DCTPP1: variants seen among roughly 807,000 people sequenced by gnomAD.
DCTPP1 encodes dCTP pyrophosphatase 1.
A neutral mutation model predicts 8.8 loss-of-function variants in DCTPP1; 8 were observed. That is an observed-to-expected ratio of 0.91 (90% CI 0.54 to 1.64). DCTPP1 has a LOEUF of 1.64. Among genes scored for constraint, DCTPP1 ranks in the 40% most tolerant of loss-of-function variants. The probability of loss-of-function intolerance (pLI) is 0.00; values close to 1 mark genes in which losing one functional copy is unlikely to be tolerated. For missense variants in DCTPP1, 231 were observed against 230.4 expected (o/e 1.00, Z -0.02); for synonymous variants, 85 against 92.1 (o/e 0.92, Z 0.44).
intron 2 of DCTPP1, among the ~76,000 whole-genome samples, chr16:30,428,156 CAA>C (rs2050204246): frequency 6.6e-6 from 1 of 152,168 alleles, no homozygotes; most frequent in Non-Finnish European, 1.5e-5. Context: ...GTCTTCTGTC[CAA>C]ACTCTCCATC....
Position 30,424,314 on chromosome 16 carries a change from C to T in DCTPP1, c.432G>A (p.Leu144=), listed in dbSNP as rs1477396780. 6 of 1,614,092 alleles carry T rather than the reference C, an allele frequency of 3.7e-6. No homozygotes were observed. Among genetic ancestry groups the T allele is most frequent in the Non-Finnish European group, 4.2e-6 (5 of 1,180,050 alleles). The stretch of plus-strand genomic sequence containing the variant: ...GGTCTTCAGAGATGGCCCCATGGGG[C>T]AATTCTGTATACTTGCGGGAAGAGC... ...ARSSSRKYTE[L]PHGAISEDQA... The change falls in exon 3 of 3, where the codon TTG becomes TTA. Residue 144 remains leucine, a synonymous_variant. Coordinates refer to ENST00000319285, the MANE Select transcript of DCTPP1 (RefSeq NM_024096.2).
intron 2 of DCTPP1, among the ~76,000 whole-genome samples, chr16:30,427,326 T>G (rs2050200361): frequency 6.6e-6 from 1 of 151,012 alleles, no homozygotes; most frequent in African/African-American, 2.4e-5. Context: ...TTGTTTTTTT[T>G]TTTTAAGGCA....
At chr16:30,428,208 C>T (rs768493716) in intron 2 of DCTPP1, among the ~76,000 whole-genome samples, 3 of 152,208 alleles carry the variant, frequency 2.0e-5, no homozygotes, top group Non-Finnish European at 2.9e-5. Flanking sequence ...GTTCAACTCC[C>T]ACCCCTCTCC....
Position 30,429,945 on chromosome 16 carries a change from C to T in DCTPP1, c.36G>A (p.Thr12=). 5 of 1,585,616 alleles carry T rather than the reference C, an allele frequency of 3.2e-6. No individual in the cohort carries two copies. Among genetic ancestry groups the T allele is most frequent in the Non-Finnish European group, 4.3e-6 (5 of 1,167,370 alleles). ...SVAGGEIRGD[T]GGEDTAAPGR... is the part of the protein sequence containing the mutation. The stretch of plus-strand genomic sequence containing the variant: ...CGGGAGCAGCAGTGTCCTCTCCCCC[C>T]GTGTCCCCACGAATCTCCCCACCGG... Residue 12 remains threonine, a synonymous_variant, in exon 1 of 3, where the codon ACG becomes ACA. Transcript: ENST00000319285.
rs1304343543 is a variant in DCTPP1, at chr16:30,424,269, G to C, written c.477C>G (p.Asp159Glu). 6.2e-7 allele frequency: 1 copy of C among 1,614,230 alleles called. No homozygotes were observed. Among genetic ancestry groups the C allele is most frequent in the South Asian group, 1.1e-5 (1 of 91,080 alleles). The change falls in exon 3 of 3, where the codon GAC becomes GAG. Residue 159 changes from aspartate (D) to glutamate (E), a missense_variant. Physicochemically the swap from Asp to Glu is conservative, Grantham distance 45. Transcript: ENST00000319285. ...ISEDQAVGPA[D>E]IPCDSTGQTS... ...TCTGGCCTGTGGAGTCACAGGGAAT[G>C]TCCGCAGGCCCCACAGCCTGGTCTT...
intron 1 of DCTPP1, chr16:30,429,601 G>T: frequency 2.2e-6 from 1 of 461,740 alleles, no homozygotes. Flanking sequence ...CCGGCGCCTG[G>T]AGAGCAGAGG....
rs2050209571 is a variant in DCTPP1, at chr16:30,429,046, C to T, written c.212+11G>A. On this transcript the variant is annotated intron_variant, in intron 2 of 2. Coordinates refer to ENST00000319285, the MANE Select transcript of DCTPP1 (RefSeq NM_024096.2). ...ACTCAGACTCTACCAGGAAGCTTTC[C>T]ATCTACTCACAAGAGTTCTGCCAGC... 3 of 1,611,770 alleles carry T rather than the reference C, an allele frequency of 1.9e-6. No individual in the cohort carries two copies. The Admixed American group carries it at 5.0e-5, about 27-fold the overall frequency.
Position 30,424,033 on chromosome 16 carries a change from G to A in DCTPP1, c.*200C>T. ...TCCCTGGCCATCCAGGAATAATCTA[G>A]AAGTTATCGCCCAAAACCATTTTAC... On this transcript the variant is annotated 3_prime_UTR_variant, in exon 3 of 3. Coordinates refer to ENST00000319285, the MANE Select transcript of DCTPP1 (RefSeq NM_024096.2). 1.5e-6 allele frequency: 1 copy of A among 653,766 alleles called. No individual in the cohort carries two copies. The highest frequency in any genetic ancestry group is 2.0e-5 in the South Asian group (1 of 48,824). The allele number at this position is 653,766 out of a possible 1,614,324, so 40.5% of individuals were successfully genotyped here.
chr16:30,429,026 GA>G (rs1464147189), intron 2 of DCTPP1, 30 bp downstream of exon 2: 3 of 1,599,020 alleles, frequency 1.9e-6, no homozygotes, highest in Non-Finnish European at 2.6e-6. Flanking sequence ...CCACAACTCA[GA>G]CTCTACCAGG....
chr16:30,428,029 G>A (rs751267954), intron 2 of DCTPP1, among the ~76,000 whole-genome samples: 2 of 152,022 alleles, frequency 1.3e-5, no homozygotes, highest in African/African-American at 2.4e-5. Flanking sequence ...AGGGCTCATC[G>A]CCTCTTGCCT....
In DCTPP1 at chr16:30,424,394, C is replaced by G. The variant is rs2151128249; in HGVS notation, c.352G>C (p.Val118Leu). 6.2e-7 allele frequency: 1 copy of G among 1,614,042 alleles called. No individual in the cohort carries two copies. The highest frequency in any genetic ancestry group is 2.2e-5 in the East Asian group (1 of 44,850). Residue 118 changes from valine to leucine, a missense_variant, in exon 3 of 3, where the codon GTG becomes CTG. Val to Leu is a conservative substitution (Grantham distance 32). Coordinates refer to ENST00000319285, the MANE Select transcript of DCTPP1 (RefSeq NM_024096.2). Reference sequence around the variant, plus strand: ...CGGTTGATGTCCATTTTGGAGAGCACTGCTAGCGGCAGATCCACACGGCAG... The same window carrying G: ...CGGTTGATGTCCATTTTGGAGAGCAGTGCTAGCGGCAGATCCACACGGCAG... ...ARCRVDLPLA[V>L]LSKMDINRRR...
chr16:30,425,072 GT>G lies in DCTPP1; in HGVS notation c.213-540del, dbSNP rs113148422. 9.4e-4 allele frequency among the ~76,000 whole-genome samples: 143 copies of G among 152,306 alleles called. 1 individual carries two copies. Among genetic ancestry groups the G allele is most frequent in the African/African-American group, 3.2e-3 (133 of 41,570 alleles). On this transcript the variant is annotated intron_variant, in intron 2 of 2. Coordinates refer to ENST00000319285, the MANE Select transcript of DCTPP1 (RefSeq NM_024096.2). Reference sequence around the variant, plus strand: ...ATTTTGTTTTTCTAGTAGAGACAGGGTTTTGCCATATTGGCCAGGCTGGTCT... The same window carrying G: ...ATTTTGTTTTTCTAGTAGAGACAGGGTTTGCCATATTGGCCAGGCTGGTCT...
In DCTPP1 at chr16:30,429,990, C is replaced by T. The variant is rs768543754; in HGVS notation, c.-10G>A. 1.7e-5 allele frequency: 25 copies of T among 1,498,910 alleles called. No individual in the cohort carries two copies. Among genetic ancestry groups the T allele is most frequent in the Admixed American group, 2.3e-5 (1 of 43,794 alleles). 92.9% of individuals were successfully genotyped at this position (1,498,910 alleles called of 1,614,324 possible). A position where few individuals can be genotyped will look rare whatever the true frequency, so the allele number is the denominator to read the frequency against. ...CACCGGCCACAGACATGCCGCCCACCGCTGCACCGCGACTTCACGGAAAAC... is the reference window on the plus strand; with the variant it reads ...CACCGGCCACAGACATGCCGCCCACTGCTGCACCGCGACTTCACGGAAAAC... On this transcript the variant is annotated 5_prime_UTR_variant, in exon 1 of 3. Coordinates refer to ENST00000319285, the MANE Select transcript of DCTPP1 (RefSeq NM_024096.2).
chr16:30,426,569 T>G (rs2050194654), intron 2 of DCTPP1, among the ~76,000 whole-genome samples: 1 of 151,548 alleles, frequency 6.6e-6, no homozygotes, highest in African/African-American at 2.4e-5. Flanking sequence ...CCTCCCGGAT[T>G]CAAGCGATTC....
intron 2 of DCTPP1, among the ~76,000 whole-genome samples, chr16:30,425,748 C>T (rs943331791): frequency 9.9e-5 from 15 of 152,202 alleles, no homozygotes; most frequent in African/African-American, 2.6e-4. Flanking sequence ...ACCCGGGAGG[C>T]GGAGGTTGCA....
chr16:30,429,741 G>C lies in DCTPP1; in HGVS notation c.101+139C>G, dbSNP rs189427701. 44 of 788,456 alleles carry C rather than the reference G, an allele frequency of 5.6e-5. No individual in the cohort carries two copies. In the African/African-American group the frequency reaches 7.3e-4, roughly 13 times the overall value. 48.8% of individuals were successfully genotyped at this position (788,456 alleles called of 1,614,324 possible). On this transcript the variant is annotated intron_variant, in intron 1 of 2. Coordinates refer to ENST00000319285, the MANE Select transcript of DCTPP1 (RefSeq NM_024096.2). ...GCCCATTTTGCAGATGAGGTAAGAA[G>C]GCTCACCCAGGGACAGCCCACAGAG...
At chr16:30,429,783 G>A in intron 1 of DCTPP1, 97 bp downstream of exon 1, 2 of 1,251,724 alleles carry the variant, frequency 1.6e-6, no homozygotes, top group South Asian at 1.4e-5. Context: ...CCCGAGCCCC[G>A]CTGCCAGCCC....
At chr16:30,424,638 A>G (rs1458511637) in intron 2 of DCTPP1, 105 bp from the exon 3 acceptor site, 4 of 1,421,292 alleles carry the variant, frequency 2.8e-6, no homozygotes, top group South Asian at 1.4e-5. Flanking sequence ...GACCTAACCA[A>G]TCTGGGCCCT....
chr16:30,429,056 C>G lies in DCTPP1; in HGVS notation c.212+1G>C. ...TACCAGGAAGCTTTCCATCTACTCA[C>G]AAGAGTTCTGCCAGCTCCCCCACTT... is the stretch of plus-strand genomic sequence containing the variant. On this transcript the variant is annotated splice_donor_variant, in intron 2 of 2. Coordinates refer to ENST00000319285, the MANE Select transcript of DCTPP1 (RefSeq NM_024096.2). LOFTEE classifies it high-confidence loss of function. The G allele has an allele frequency of 1.2e-6, 2 of 1,613,392 alleles. No individual in the cohort carries two copies. Among genetic ancestry groups the G allele is most frequent in the South Asian group, 1.1e-5 (1 of 90,886 alleles).
Sources: gnomAD v4.1 joint callset for allele counts (sites outside exome capture counted in the v4.1 genomes callset) on GRCh38, gnomAD v4.1.1 for gene constraint, MANE v1.5 for transcripts, NCBI Gene and HGNC (gene_info 2026-07-23, HGNC 2026-07-21) for gene names.